Variants in TSHZ2 observed in about 807,000 individuals in gnomAD.
TSHZ2 encodes teashirt zinc finger homeobox 2.
Under a neutral mutation model 74.4 loss-of-function variants are expected in TSHZ2, and 21 were observed. That is an observed-to-expected ratio of 0.28 (90% CI 0.20 to 0.41). The LOEUF (loss-of-function observed/expected upper bound fraction) is 0.41. TSHZ2 is among the 10% of genes least tolerant of loss of function. The pLI is 1.00. For synonymous variants in TSHZ2, 540 were observed against 515.3 expected (o/e 1.05, Z -0.65); for missense variants, 1,244 against 1,293.5 (o/e 0.96, Z 0.59).
intron 2 of TSHZ2, among the ~76,000 whole-genome samples, chr20:53,265,762 A>G (rs1990703032): frequency 1.3e-5 from 2 of 152,178 alleles, no homozygotes; most frequent in African/African-American, 2.4e-5. Context: ...TTACATACAC[A>G]TAAGTAATTA....
intron 2 of TSHZ2, among the ~76,000 whole-genome samples, chr20:53,431,775 T>C (rs1052426984): frequency 3.3e-5 from 5 of 152,174 alleles, no homozygotes; most frequent in African/African-American, 1.2e-4. Flanking sequence ...TCATACCTAT[T>C]TTAAGATATT....
At chr20:52,974,446 G>A (rs903643119) in intron 1 of TSHZ2, among the ~76,000 whole-genome samples, 2 of 152,114 alleles carry the variant, frequency 1.3e-5, no homozygotes, top group Non-Finnish European at 2.9e-5. Flanking sequence ...TAATGTGGGC[G>A]TTTTTATTTC....
In TSHZ2 at chr20:53,423,055, G is replaced by A. The variant is rs534176128; in HGVS notation, c.*9-64089G>A. ...TGCCCAAAAAATCACAAAGAAAGGC[G>A]TCTAGCCAGATGAGAAACCCAACAC... On this transcript the variant is annotated intron_variant, in intron 2 of 2. Coordinates refer to ENST00000371497, the MANE Select transcript of TSHZ2 (RefSeq NM_173485.6). 2.1e-4 allele frequency among the ~76,000 whole-genome samples: 32 copies of A among 152,228 alleles called. 1 individual carries two copies. The East Asian group carries it at 2.1e-3, about 10-fold the overall frequency.
At chr20:53,080,836 CAAAG>C (rs1163618371) in intron 1 of TSHZ2, among the ~76,000 whole-genome samples, 2 of 152,110 alleles carry the variant, frequency 1.3e-5, no homozygotes, top group Admixed American at 6.5e-5. Context: ...TCCAGAATAA[CAAAG>C]AGATGAACAG....
intron 2 of TSHZ2, among the ~76,000 whole-genome samples, chr20:53,378,766 A>G (rs767524597): frequency 1.8e-4 from 28 of 152,242 alleles, no homozygotes; most frequent in Non-Finnish European, 3.7e-4. Context: ...AAACTGCCAC[A>G]TGGAACCTGT....
chr20:53,015,448 C>A (rs1983000674), intron 1 of TSHZ2, among the ~76,000 whole-genome samples: 1 of 152,050 alleles, frequency 6.6e-6, no homozygotes, highest in African/African-American at 2.4e-5. Flanking sequence ...ACACAGAACA[C>A]CCCCAACTAC....
chr20:53,205,777 A>G (rs748988638), intron 1 of TSHZ2, among the ~76,000 whole-genome samples: 45 of 152,324 alleles, frequency 3.0e-4, no homozygotes, highest in Admixed American at 2.4e-3. Context: ...AAAAATATTC[A>G]GTAACACTTG....
chr20:53,210,500 A>G (rs1460597387), intron 1 of TSHZ2, among the ~76,000 whole-genome samples: 5 of 152,012 alleles, frequency 3.3e-5, no homozygotes, highest in Non-Finnish European at 7.4e-5. Flanking sequence ...CCGTTTCCAC[A>G]TGAATTCCTG....
intron 2 of TSHZ2, among the ~76,000 whole-genome samples, chr20:53,412,141 A>G (rs1202174749): frequency 2.0e-5 from 3 of 152,222 alleles, no homozygotes; most frequent in Non-Finnish European, 4.4e-5. Context: ...CTCAGTTCAC[A>G]GATCCAATTC....
intron 1 of TSHZ2, among the ~76,000 whole-genome samples, chr20:53,059,727 G>A (rs1168272901): frequency 6.6e-6 from 1 of 152,086 alleles, no homozygotes; most frequent in African/African-American, 2.4e-5. Flanking sequence ...TTTGTTTCAC[G>A]TTCCTATTGA....
intron 1 of TSHZ2, among the ~76,000 whole-genome samples, chr20:52,985,143 C>T (rs1981707525): frequency 1.3e-5 from 2 of 152,084 alleles, no homozygotes; most frequent in Non-Finnish European, 1.5e-5. Flanking sequence ...CCCCATTAGA[C>T]AACTCAGTCA....
chr20:53,068,027 C>T lies in TSHZ2; in HGVS notation c.40+94694C>T, dbSNP rs555165751. ...TGTTACATGGCTCCCTTCCCCTGTGCGTCCGTGTTGTCAGGTGGCATCCCC... is the reference window on the plus strand; with the variant it reads ...TGTTACATGGCTCCCTTCCCCTGTGTGTCCGTGTTGTCAGGTGGCATCCCC... On this transcript the variant is annotated intron_variant, in intron 1 of 2. Coordinates refer to ENST00000371497, the MANE Select transcript of TSHZ2 (RefSeq NM_173485.6). Among the ~76,000 whole-genome samples the T allele has an allele frequency of 9.9e-5, 15 of 152,268 alleles. No homozygotes were observed. The South Asian group carries it at 2.7e-3, about 27-fold the overall frequency.
chr20:53,024,071 G>C (rs1193185757), intron 1 of TSHZ2, among the ~76,000 whole-genome samples: 1 of 151,372 alleles, frequency 6.6e-6, no homozygotes, highest in African/African-American at 2.4e-5. Flanking sequence ...GTGTGGGTGG[G>C]AAGGAGAAAA....
At chr20:53,084,932 T>G (rs2123241580) in intron 1 of TSHZ2, among the ~76,000 whole-genome samples, 1 of 152,242 alleles carries the variant, frequency 6.6e-6, no homozygotes, top group African/African-American at 2.4e-5. Flanking sequence ...ATTTATTAGA[T>G]TGTTAGGCCT....
intron 2 of TSHZ2, among the ~76,000 whole-genome samples, chr20:53,318,254 G>A (rs1039426238): frequency 6.6e-6 from 1 of 152,170 alleles, no homozygotes; most frequent in Non-Finnish European, 1.5e-5. Context: ...CCTTCTGGTA[G>A]GAGAGGGCAA....
chr20:53,143,130 A>G (rs1469805872), intron 1 of TSHZ2, among the ~76,000 whole-genome samples: 1 of 152,210 alleles, frequency 6.6e-6, no homozygotes, highest in African/African-American at 2.4e-5. Flanking sequence ...TTGAAAACAC[A>G]TCTATTTAAG....
At chr20:53,478,967 C>G (rs1215803701) in intron 2 of TSHZ2, among the ~76,000 whole-genome samples, 1 of 152,004 alleles carries the variant, frequency 6.6e-6, no homozygotes, top group East Asian at 1.9e-4. Flanking sequence ...GGATTCCAGA[C>G]CAGTCTGGTC....
intron 1 of TSHZ2, among the ~76,000 whole-genome samples, chr20:53,196,693 T>C (rs1416129723): frequency 1.3e-5 from 2 of 152,238 alleles, no homozygotes; most frequent in African/African-American, 4.8e-5. Context: ...AAAATATATA[T>C]ACGATCTTAT....
chr20:53,474,532 G>A (rs199986881), intron 2 of TSHZ2, among the ~76,000 whole-genome samples: 21,402 of 111,486 alleles, frequency 0.19, 1,960 homozygotes, highest in East Asian at 0.37. Flanking sequence ...AAGAACAACC[G>A]GTACCAGCCG....
Sources: gnomAD v4.1 joint callset for allele counts (sites outside exome capture counted in the v4.1 genomes callset) on GRCh38, gnomAD v4.1.1 for gene constraint, MANE v1.5 for transcripts, NCBI Gene and HGNC (gene_info 2026-07-23, HGNC 2026-07-21) for gene names.